SLC8A1: variants seen among roughly 807,000 people sequenced by gnomAD.
SLC8A1 encodes the protein sodium/calcium exchanger 1.
A neutral mutation model predicts 68.3 loss-of-function variants in SLC8A1; 18 were observed. The ratio of observed to expected loss-of-function variants is 0.26; its 90% confidence interval spans 0.18 to 0.39. The LOEUF (loss-of-function observed/expected upper bound fraction) is 0.39, where lower values mean the gene tolerates loss of function less well. SLC8A1 is among the 10% of genes least tolerant of loss of function. The pLI is 1.00. For missense variants in SLC8A1, 985 were observed against 1,156.7 expected, an observed-to-expected ratio of 0.85 and a Z score of 2.15; for synonymous variants, 475 against 415.5, an observed-to-expected ratio of 1.14 and a Z score of -1.74.
chr2:40,447,179 G>A (rs146385940), intron 1 of SLC8A1, among the ~76,000 whole-genome samples: 321 of 152,260 alleles, frequency 2.1e-3, no homozygotes, highest in Non-Finnish European at 2.6e-3. Context: ...TATCACACTA[G>A]CATTTTCTAG....
At chr2:40,210,308 G>A (rs2056353048) in intron 2 of SLC8A1, among the ~76,000 whole-genome samples, 1 of 152,132 alleles carries the variant, frequency 6.6e-6, no homozygotes, top group Non-Finnish European at 1.5e-5. Context: ...AACACAGCAG[G>A]AAGAAGATAC....
intron 2 of SLC8A1, among the ~76,000 whole-genome samples, chr2:40,373,469 C>A (rs183167688): frequency 6.6e-6 from 1 of 152,210 alleles, no homozygotes; most frequent in African/African-American, 2.4e-5. Context: ...CTTTCCCCTT[C>A]CCCCTAAAAT....
At chr2:40,346,761 CA>C (rs567984423) in intron 2 of SLC8A1, among the ~76,000 whole-genome samples, 197 of 152,118 alleles carry the variant, frequency 1.3e-3, no homozygotes, top group African/African-American at 4.6e-3. Flanking sequence ...CCAAAATTTA[CA>C]GAGAATAAAC....
At chr2:40,354,315 T>C (rs1672033117) in intron 2 of SLC8A1, among the ~76,000 whole-genome samples, 1 of 152,188 alleles carries the variant, frequency 6.6e-6, no homozygotes, top group Non-Finnish European at 1.5e-5. Flanking sequence ...GGGCCATCTG[T>C]ATTCTCCCTT....
At chr2:40,266,471 T>TA (rs2065364455) in intron 2 of SLC8A1, among the ~76,000 whole-genome samples, 1 of 152,174 alleles carries the variant, frequency 6.6e-6, no homozygotes, top group Non-Finnish European at 1.5e-5. Flanking sequence ...ATCAAGGAGA[T>TA]AGAGTAGAGA....
upstream of SLC8A1, chr2:40,453,546 C>T (rs1702805573): frequency 1.3e-5 from 2 of 152,206 alleles, no homozygotes; most frequent in South Asian, 2.1e-4. Flanking sequence ...CCTCCTTGCA[C>T]CTCAGAATCT....
rs565396388 is a variant in SLC8A1, at chr2:40,187,048, C to A, written c.1809-9193G>T. On this transcript the variant is annotated intron_variant, in intron 2 of 7. Coordinates refer to ENST00000406785, the Ensembl canonical transcript of SLC8A1. ...CTGTTTACCCAGTTACTAAAAGGAG[C>A]AAATTGGCAGATGGTAGAGTTGTGG... 3.3e-3 allele frequency among the ~76,000 whole-genome samples: 502 copies of A among 152,256 alleles called. 4 individuals are homozygous for A. Among genetic ancestry groups the A allele is most frequent in the South Asian group, 0.026 (124 of 4,830 alleles).
intron 1 of SLC8A1, among the ~76,000 whole-genome samples, chr2:40,501,786 G>T (rs1453698181): frequency 6.6e-6 from 1 of 151,948 alleles, no homozygotes; most frequent in Admixed American, 6.6e-5. Flanking sequence ...CATCTCATTT[G>T]CCACTTATGT....
chr2:40,468,208 C>G (rs541733726), intron 1 of SLC8A1, among the ~76,000 whole-genome samples: 49 of 152,172 alleles, frequency 3.2e-4, no homozygotes, highest in Non-Finnish European at 4.6e-4. Context: ...TTATCATGTA[C>G]AAAGTATACT....
At chr2:40,277,311 C>T (rs1229517955) in intron 2 of SLC8A1, among the ~76,000 whole-genome samples, 3 of 151,912 alleles carry the variant, frequency 2.0e-5, no homozygotes, top group African/African-American at 2.4e-5. Context: ...GAGGCCAAGG[C>T]GGGCGATCAC....
intron 2 of SLC8A1, among the ~76,000 whole-genome samples, chr2:40,412,265 T>C (rs992382903): frequency 6.6e-6 from 1 of 152,142 alleles, no homozygotes; most frequent in Non-Finnish European, 1.5e-5. Flanking sequence ...TTTGGTGAGA[T>C]GGACTGATGG....
chr2:40,473,215 C>T (rs1704094449), intron 1 of SLC8A1, among the ~76,000 whole-genome samples: 1 of 152,074 alleles, frequency 6.6e-6, no homozygotes, highest in African/African-American at 2.4e-5. Flanking sequence ...GAAGATATTC[C>T]ACCTGGAAAA....
At chr2:40,348,829 G>A (rs1417263989) in intron 2 of SLC8A1, among the ~76,000 whole-genome samples, 4 of 152,270 alleles carry the variant, frequency 2.6e-5, no homozygotes, top group East Asian at 3.9e-4. Context: ...CCCCACAGTC[G>A]TAACACATGC....
chr2:40,400,628 T>C (rs1294108676), intron 2 of SLC8A1, among the ~76,000 whole-genome samples: 1 of 152,000 alleles, frequency 6.6e-6, no homozygotes, highest in African/African-American at 2.4e-5. Flanking sequence ...TGAGAGGGTG[T>C]TCCTGCTGGC....
In SLC8A1 at chr2:40,131,304, A is replaced by C. The variant is rs527906110; in HGVS notation, c.2437+8097T>G. On this transcript the variant is annotated intron_variant, in intron 7 of 7. Coordinates refer to ENST00000406785, the Ensembl canonical transcript of SLC8A1. ...CCCTCAGCACGTAGTCATTGTGCTA[A>C]GACTTTGCATAACTTCTCTGAGACA... Among the ~76,000 whole-genome samples, 4 of 152,324 alleles carry C rather than the reference A, an allele frequency of 2.6e-5. No individual in the cohort carries two copies. The South Asian group carries it at 8.3e-4, about 32-fold the overall frequency.
At chr2:40,185,872 G>A (rs1413618757) in intron 2 of SLC8A1, among the ~76,000 whole-genome samples, 1 of 152,156 alleles carries the variant, frequency 6.6e-6, no homozygotes, top group Non-Finnish European at 1.5e-5. Context: ...GGAGTTTTCA[G>A]TAAGGAGTTT....
intron 2 of SLC8A1, among the ~76,000 whole-genome samples, chr2:40,268,987 T>C (rs1338715597): frequency 6.6e-6 from 1 of 152,114 alleles, no homozygotes; most frequent in African/African-American, 2.4e-5. Flanking sequence ...ACATAAGGAC[T>C]CCAAATATGA....
chr2:40,373,777 C>T (rs1575803828), intron 2 of SLC8A1, among the ~76,000 whole-genome samples: 1 of 151,998 alleles, frequency 6.6e-6, no homozygotes, highest in Non-Finnish European at 1.5e-5. Context: ...TGGCAGGTGG[C>T]ATGAGAGTAC....
At chr2:40,112,195 A>G (rs2034607340) in exon 8 of SLC8A1, 1 of 152,720 alleles carries the variant, frequency 6.5e-6, no homozygotes, top group South Asian at 2.1e-4. Flanking sequence ...AAAATGAAGT[A>G]GATGACAATG....
Sources: gnomAD v4.1 joint callset for allele counts (sites outside exome capture counted in the v4.1 genomes callset) on GRCh38, gnomAD v4.1.1 for gene constraint, MANE v1.5 for transcripts, NCBI Gene and HGNC (gene_info 2026-07-23, HGNC 2026-07-21) for gene names.